The following TLR6 variants were observed in gnomAD, a reference collection of about 807,000 sequenced individuals.
TLR6 encodes the protein toll like receptor 6.
In TLR6, 9 loss-of-function variants were observed where a neutral mutation model predicts 16.1. The observed-to-expected ratio is 0.56, with a 90% CI of 0.34 to 0.98. TLR6 has a LOEUF of 0.98. TLR6 is among the 50% of genes least tolerant of loss of function. The pLI, the probability that TLR6 is intolerant of heterozygous loss-of-function variation, is 0.02. For synonymous variants in TLR6, 340 were observed against 338.6 expected, an observed-to-expected ratio of 1.00 and a Z score of -0.04; for missense variants, 786 against 921.0, an observed-to-expected ratio of 0.85 and a Z score of 1.90.
intron 1 of TLR6, among the ~76,000 whole-genome samples, chr4:38,846,907 G>GA (rs1560270362): frequency 6.6e-6 from 1 of 151,988 alleles, no homozygotes; most frequent in Non-Finnish European, 1.5e-5. Flanking sequence ...GTAATTATGA[G>GA]AAAATACAAA....
chr4:38,865,668 T>C, the TLR6 span, among the ~76,000 whole-genome samples: 9 of 152,142 alleles, frequency 5.9e-5, no homozygotes, highest in Non-Finnish European at 1.0e-4. Flanking sequence ...AAGCCAGAAC[T>C]GGAAGGGACT....
chr4:38,839,091 G>A (rs1013783978), intron 1 of TLR6, among the ~76,000 whole-genome samples: 23 of 123,514 alleles, frequency 1.9e-4, no homozygotes, highest in Non-Finnish European at 3.0e-4. Context: ...AGGAAGGAAG[G>A]AAGGGAGGGA....
At chr4:38,839,698 T>C (rs1712152573) in intron 1 of TLR6, among the ~76,000 whole-genome samples, 1 of 152,234 alleles carries the variant, frequency 6.6e-6, no homozygotes, top group South Asian at 2.1e-4. Flanking sequence ...CTGAAACATG[T>C]AGAAAGTCAG....
Position 38,826,762 on chromosome 4 carries a change from A to G in TLR6, c.*321T>C, listed in dbSNP as rs55695972. ...TGAAGTTGACTGTTCCCTTGCTGCC[A>G]TGAAGCCATATAAACTCTTGCTCAC... On this transcript the variant is annotated 3_prime_UTR_variant, in exon 2 of 2. Coordinates refer to ENST00000436693, the Ensembl canonical transcript of TLR6. 3.0e-3 allele frequency: 575 copies of G among 194,650 alleles called. 11 individuals are homozygous for G. The East Asian group carries it at 0.046, about 16-fold the overall frequency. The allele number at this position is 194,650 out of a possible 1,614,324, so 12.1% of individuals were successfully genotyped here.
At chr4:38,842,269 A>C (rs954280210) in intron 1 of TLR6, among the ~76,000 whole-genome samples, 1 of 152,210 alleles carries the variant, frequency 6.6e-6, no homozygotes, top group African/African-American at 2.4e-5. Flanking sequence ...GGGAGGGCAG[A>C]TGAGGACTGG....
At chr4:38,839,310 TAAAA>T (rs57901685) in intron 1 of TLR6, among the ~76,000 whole-genome samples, 8 of 151,760 alleles carry the variant, frequency 5.3e-5, no homozygotes, top group South Asian at 2.1e-4. Context: ...GATTTTTTTT[TAAAA>T]AAAATTAATA....
exon 2 of TLR6, chr4:38,827,031 C>T: frequency 7.4e-7 from 1 of 1,357,858 alleles, no homozygotes; most frequent in Non-Finnish European, 9.9e-7. Context: ...CTGTACTATT[C>T]ACCATCATCC....
the TLR6 span, among the ~76,000 whole-genome samples, chr4:38,864,113 C>A: frequency 6.6e-6 from 1 of 152,190 alleles, no homozygotes; most frequent in African/African-American, 2.4e-5. Context: ...ATTGCAATGC[C>A]ACTTTATCAG....
At chr4:38,862,284 T>C in the TLR6 span, among the ~76,000 whole-genome samples, 33 of 80,866 alleles carry the variant, frequency 4.1e-4, no homozygotes, top group African/African-American at 1.3e-3. Context: ...TCCAATCACA[T>C]TTTTTTTTAT....
chr4:38,828,881 G>A, exon 2 of TLR6: 1 of 1,612,960 alleles, frequency 6.2e-7, no homozygotes, highest in Non-Finnish European at 8.5e-7. Flanking sequence ...AAGGTGAAGG[G>A]TTTTTGCATT....
At chr4:38,836,679 C>T (rs1166065451) in intron 1 of TLR6, among the ~76,000 whole-genome samples, 1 of 152,100 alleles carries the variant, frequency 6.6e-6, no homozygotes, top group Non-Finnish European at 1.5e-5. Flanking sequence ...TGACTCACAC[C>T]TGTAATCCCA....
At chr4:38,838,614 T>A (rs1712058140) in intron 1 of TLR6, among the ~76,000 whole-genome samples, 1 of 151,978 alleles carries the variant, frequency 6.6e-6, no homozygotes, top group Non-Finnish European at 1.5e-5. Flanking sequence ...TGAAGAGAGG[T>A]TGGTTAATGG....
intron 1 of TLR6, among the ~76,000 whole-genome samples, chr4:38,830,094 C>A (rs1023921758): frequency 6.6e-6 from 1 of 152,232 alleles, no homozygotes; most frequent in African/African-American, 2.4e-5. Context: ...AAATCCTAAA[C>A]TTCACCTCTG....
At chr4:38,850,044 G>A (rs1440259667) in intron 1 of TLR6, among the ~76,000 whole-genome samples, 3 of 152,208 alleles carry the variant, frequency 2.0e-5, no homozygotes, top group African/African-American at 7.2e-5. Context: ...AGACCATGGT[G>A]CAATCAAACT....
chr4:38,850,703 G>A (rs369910334), intron 1 of TLR6, among the ~76,000 whole-genome samples: 4,910 of 152,018 alleles, frequency 0.032, 232 homozygotes, highest in African/African-American at 0.091. Context: ...CCCTGAATAG[G>A]CCAATAACAG....
At chr4:38,848,823 G>A (rs1486815073) in intron 1 of TLR6, among the ~76,000 whole-genome samples, 2 of 152,166 alleles carry the variant, frequency 1.3e-5, no homozygotes, top group Non-Finnish European at 2.9e-5. Context: ...TGAAATTGAC[G>A]GGGAGAATGG....
chr4:38,828,767 T>A lies in TLR6; in HGVS notation c.707A>T (p.Gln236Leu), dbSNP rs186524408. Residue 236 changes from glutamine (Q) to leucine (L), a missense_variant, in exon 2 of 2, where the codon CAA becomes CTA. Coordinates refer to ENST00000436693, the Ensembl canonical transcript of TLR6. Reference sequence around the variant, plus strand: ...TTCTGATAAAAATTTAATGAAAACTTGACAGTTGTCATCATTCAATTTAAT... The same window carrying A: ...TTCTGATAAAAATTTAATGAAAACTAGACAGTTGTCATCATTCAATTTAAT... The A allele has an allele frequency of 7.0e-5, 113 of 1,613,586 alleles. No individual in the cohort carries two copies. Among genetic ancestry groups the A allele is most frequent in the Middle Eastern group, 3.3e-4 (2 of 6,060 alleles).
chr4:38,824,601 T>C (rs1402636703), exon 2 of TLR6: 1 of 152,166 alleles, frequency 6.6e-6, no homozygotes, highest in Non-Finnish European at 1.5e-5. Context: ...GTTTTTATTG[T>C]TTTTAGATTA....
At chr4:38,827,299 A>G in exon 2 of TLR6, 2 of 1,614,202 alleles carry the variant, frequency 1.2e-6, no homozygotes, top group Non-Finnish European at 1.7e-6. Context: ...TAGATCCTTC[A>G]TGAAAGAGAT....
Sources: gnomAD v4.1 joint callset for allele counts (sites outside exome capture counted in the v4.1 genomes callset) on GRCh38, gnomAD v4.1.1 for gene constraint, MANE v1.5 for transcripts, NCBI Gene and HGNC (gene_info 2026-07-23, HGNC 2026-07-21) for gene names.